Variants in SPAG17 observed in about 807,000 individuals in gnomAD.
SPAG17 encodes sperm-associated antigen 17.
A neutral mutation model predicts 273.6 loss-of-function variants in SPAG17; 169 were observed. The ratio of observed to expected loss-of-function variants is 0.62; its 90% CI spans 0.55 to 0.70. SPAG17 has a LOEUF of 0.70. Ranked by LOEUF, SPAG17 falls within the 30% of genes least tolerant of loss-of-function variation. The probability of loss-of-function intolerance (pLI) is 0.00; values close to 1 mark genes in which losing one functional copy is unlikely to be tolerated. For synonymous variants in SPAG17, 825 were observed against 873.2 expected (o/e 0.94, Z 0.97); for missense variants, 2,557 against 2,627.8 (o/e 0.97, Z 0.59).
chr1:117,995,525 C>G (rs1441632602), intron 34 of SPAG17, among the ~76,000 whole-genome samples: 1 of 152,018 alleles, frequency 6.6e-6, no homozygotes, highest in Non-Finnish European at 1.5e-5. Flanking sequence ...ATGCACCACA[C>G]TGACTGGGGG....
At chr1:118,075,921 G>A (rs1557991457) in intron 15 of SPAG17, among the ~76,000 whole-genome samples, 1 of 151,538 alleles carries the variant, frequency 6.6e-6, no homozygotes, top group Non-Finnish European at 1.5e-5. Flanking sequence ...TGCTTTGTTT[G>A]TTTTTTTTAT....
intron 18 of SPAG17, among the ~76,000 whole-genome samples, chr1:118,065,165 G>A (rs1477359884): frequency 6.6e-6 from 1 of 151,948 alleles, no homozygotes; most frequent in Non-Finnish European, 1.5e-5. Flanking sequence ...AGGTTTAAAA[G>A]GTAAAAGAAT....
Position 118,025,219 on chromosome 1 carries a change from C to T in SPAG17, c.3909+19G>A, listed in dbSNP as rs193140546. The T allele has an allele frequency of 6.2e-7, 1 of 1,611,206 alleles. No homozygotes were observed. The highest frequency in any genetic ancestry group is 2.2e-5 in the East Asian group (1 of 44,794). ...ACTTTGGAACAGGGAAGAATAATTT[C>T]TCTAACACATTCTTTTACCTGTGTG... On this transcript the variant is annotated intron_variant, in intron 27 of 48. Transcript: ENST00000336338.
chr1:118,145,969 G>C (rs536565065), intron 3 of SPAG17, among the ~76,000 whole-genome samples: 3 of 150,488 alleles, frequency 2.0e-5, no homozygotes, highest in African/African-American at 7.5e-5. Flanking sequence ...ATAAATCACG[G>C]CCCATTTGTG....
chr1:117,983,632 G>A (rs1306326220), intron 42 of SPAG17, among the ~76,000 whole-genome samples, 179 bp downstream of exon 42: 1 of 152,062 alleles, frequency 6.6e-6, no homozygotes, highest in Non-Finnish European at 1.5e-5. Flanking sequence ...AAGCATACAG[G>A]ATGAAAACTA....
intron 1 of SPAG17, among the ~76,000 whole-genome samples, chr1:118,183,306 C>T (rs1242188712): frequency 6.6e-6 from 1 of 152,132 alleles, no homozygotes. Flanking sequence ...TTCACACACC[C>T]ACAGTCATCT....
chr1:118,039,300 A>G lies in SPAG17; in HGVS notation c.3311T>C (p.Leu1104Pro). ...ACTAAACAGCAGCTTACCCGTTTCAAGACTTTGTTCCTCATCTCCTTCTTC... is the reference window on the plus strand; with the variant it reads ...ACTAAACAGCAGCTTACCCGTTTCAGGACTTTGTTCCTCATCTCCTTCTTC... ...EEEEGDEEQSLETEVSDAKNK... is the reference protein window; with the variant it reads ...EEEEGDEEQSPETEVSDAKNK... The change falls in exon 23 of 49, where the codon CTT becomes CCT. Residue 1104 changes from leucine (L) to proline (P), a missense_variant. Leu to Pro is a moderately conservative substitution (Grantham distance 98). Transcript: ENST00000336338. 3 of 1,612,700 alleles carry G rather than the reference A, an allele frequency of 1.9e-6. No homozygotes were observed. The highest frequency in any genetic ancestry group is 2.5e-6 in the Non-Finnish European group (3 of 1,179,282).
intron 48 of SPAG17, chr1:117,959,506 AAGCAC>A (rs1454210123): frequency 1.4e-6 from 2 of 1,468,838 alleles, no homozygotes; most frequent in African/African-American, 2.9e-5. Flanking sequence ...CTCCTAAACT[AAGCAC>A]AGAAGAGTTG....
At chr1:118,019,033 C>CAAAAAAAAAA (rs10629525) in intron 28 of SPAG17, among the ~76,000 whole-genome samples, 1 of 95,910 alleles carries the variant, frequency 1.0e-5, no homozygotes. Context: ...GACCATGTCT[C>CAAAAAAAAAA]AAAAAAAAAA....
At position 118,014,086 on chromosome 1, in the gene SPAG17, C is replaced by A. The variant is rs529268537; in HGVS notation, c.4288-1714G>T. The stretch of plus-strand genomic sequence containing the variant: ...GAGATCTGGGACACAGTGTTGAGGT[C>A]TACATTCTGGCTCTACCATTTGCTG... On this transcript the variant is annotated intron_variant, in intron 29 of 48. Transcript: ENST00000336338. 2.0e-5 allele frequency among the ~76,000 whole-genome samples: 3 copies of A among 152,270 alleles called. No individual in the cohort carries two copies. In the South Asian group the frequency reaches 6.2e-4, roughly 32 times the overall value.
chr1:118,015,007 G>A (rs1008151141), intron 29 of SPAG17, among the ~76,000 whole-genome samples: 9 of 152,144 alleles, frequency 5.9e-5, no homozygotes, highest in East Asian at 3.9e-4. Flanking sequence ...ATAGAGGGCC[G>A]GGCGTGGTGG....
At chr1:118,117,057 C>G (rs1286956944) in intron 3 of SPAG17, among the ~76,000 whole-genome samples, 2 of 152,164 alleles carry the variant, frequency 1.3e-5, no homozygotes, top group Non-Finnish European at 2.9e-5. Flanking sequence ...GGGTCCAACC[C>G]CAAGAGTAGA....
intron 20 of SPAG17, among the ~76,000 whole-genome samples, chr1:118,049,458 T>C (rs545969788): frequency 5.9e-5 from 9 of 152,150 alleles, no homozygotes; most frequent in Admixed American, 5.9e-4. Context: ...TATTACAGAA[T>C]GAAAGATAAA....
chr1:118,000,928 T>C (rs1201726105), intron 32 of SPAG17, among the ~76,000 whole-genome samples: 6 of 152,226 alleles, frequency 3.9e-5, no homozygotes, highest in African/African-American at 1.4e-4. Flanking sequence ...TTCCAGTTTT[T>C]GCCCATTCAG....
At chr1:117,959,475 T>C (rs1352939985) in intron 48 of SPAG17, 2 of 1,553,330 alleles carry the variant, frequency 1.3e-6, no homozygotes, top group Admixed American at 2.1e-5. Context: ...TTTTTTTTTT[T>C]CAACTTTTTC....
chr1:117,976,968 C>T (rs1359738625), intron 43 of SPAG17, among the ~76,000 whole-genome samples: 1 of 152,070 alleles, frequency 6.6e-6, no homozygotes, highest in Non-Finnish European at 1.5e-5. Context: ...CACTGATTTC[C>T]TGTTCATTTC....
At chr1:117,982,733 G>C (rs1655976008) in intron 42 of SPAG17, among the ~76,000 whole-genome samples, 2 of 152,130 alleles carry the variant, frequency 1.3e-5, no homozygotes, top group African/African-American at 4.8e-5. Flanking sequence ...AATCAAACTT[G>C]TGCAGTTTCT....
chr1:118,105,765 C>T (rs1656358629), intron 4 of SPAG17, among the ~76,000 whole-genome samples: 1 of 151,290 alleles, frequency 6.6e-6, no homozygotes, highest in Non-Finnish European at 1.5e-5. Flanking sequence ...TCAAGGGAGG[C>T]AATGGCTGAG....
In SPAG17 at chr1:118,091,910, G is replaced by A. The variant is rs1174836707; in HGVS notation, c.1246+20C>T. 1 of 1,612,744 alleles carries A rather than the reference G, an allele frequency of 6.2e-7. No individual in the cohort carries two copies. Among genetic ancestry groups the A allele is most frequent in the Non-Finnish European group, 8.5e-7 (1 of 1,178,830 alleles). ...GCCAGCTCATGGTGTTGATCCTCCA[G>A]CAGCCGATTTCATACATGCCTGGTG... On this transcript the variant is annotated intron_variant, in intron 9 of 48. Transcript: ENST00000336338.
Sources: gnomAD v4.1 joint callset for allele counts (sites outside exome capture counted in the v4.1 genomes callset) on GRCh38, gnomAD v4.1.1 for gene constraint, MANE v1.5 for transcripts, NCBI Gene and HGNC (gene_info 2026-07-23, HGNC 2026-07-21) for gene names.